SERGEF: variants seen among roughly 807,000 people sequenced by gnomAD.
SERGEF encodes secretion regulating guanine nucleotide exchange factor.
Under a neutral mutation model 50.0 loss-of-function variants are expected in SERGEF, and 51 were observed. The observed-to-expected ratio is 1.02, with a 90% CI of 0.81 to 1.29. The LOEUF (loss-of-function observed/expected upper bound fraction) is 1.29. Among genes scored for constraint, SERGEF ranks in the 50% most tolerant of loss-of-function variants. The pLI, the probability that SERGEF is intolerant of heterozygous loss-of-function variation, is 0.00. For missense variants in SERGEF, 521 were observed against 557.0 expected (o/e 0.94, Z 0.65); for synonymous variants, 205 against 212.4 (o/e 0.97, Z 0.30).
At chr11:17,924,805 G>A (rs962413993) in intron 9 of SERGEF, among the ~76,000 whole-genome samples, 6 of 152,176 alleles carry the variant, frequency 3.9e-5, no homozygotes, top group African/African-American at 1.2e-4. Flanking sequence ...CACATAAAGT[G>A]TAGGTCTATG....
At chr11:17,799,024 G>C (rs560818329) in intron 10 of SERGEF, among the ~76,000 whole-genome samples, 15 of 152,154 alleles carry the variant, frequency 9.9e-5, no homozygotes, top group African/African-American at 2.9e-4. Context: ...CAGCACCTTC[G>C]GATCTGAATC....
chr11:17,904,784 C>G (rs1344671213), intron 9 of SERGEF, among the ~76,000 whole-genome samples: 3 of 152,194 alleles, frequency 2.0e-5, no homozygotes, highest in Non-Finnish European at 4.4e-5. Context: ...GCATTTAAAA[C>G]CACCTTCTCT....
intron 5 of SERGEF, among the ~76,000 whole-genome samples, chr11:17,996,846 AGACTTCAGATAGCT>A (rs1407823746): frequency 6.6e-6 from 1 of 152,196 alleles, no homozygotes; most frequent in African/African-American, 2.4e-5. Context: ...ACTTTATAAG[AGACTTCAGATAGCT>A]GACAGGAGAT....
chr11:17,906,709 C>T (rs1851849044), intron 9 of SERGEF, among the ~76,000 whole-genome samples: 1 of 151,862 alleles, frequency 6.6e-6, no homozygotes, highest in South Asian at 2.1e-4. Context: ...CTGCAGCCGG[C>T]AGTGCAGTTT....
intron 8 of SERGEF, among the ~76,000 whole-genome samples, chr11:17,985,035 T>C (rs1460693627): frequency 1.3e-5 from 2 of 152,228 alleles, no homozygotes; most frequent in African/African-American, 4.8e-5. Flanking sequence ...TTGTTGATAA[T>C]ATGAAAGAGC....
At chr11:17,990,114 T>C (rs1204802539) in intron 7 of SERGEF, among the ~76,000 whole-genome samples, 1 of 152,234 alleles carries the variant, frequency 6.6e-6, no homozygotes, top group African/African-American at 2.4e-5. Context: ...TAAAACTTGA[T>C]AGTATTGCTT....
chr11:17,931,945 C>T (rs1248663481), intron 9 of SERGEF, among the ~76,000 whole-genome samples: 2 of 152,136 alleles, frequency 1.3e-5, no homozygotes, highest in Non-Finnish European at 2.9e-5. Context: ...CAAACTGCTG[C>T]ATGTTTGCAG....
At chr11:17,808,588 C>T (rs970280058) in intron 10 of SERGEF, among the ~76,000 whole-genome samples, 1 of 152,174 alleles carries the variant, frequency 6.6e-6, no homozygotes, top group Non-Finnish European at 1.5e-5. Context: ...CATTTCAACA[C>T]GAGATTTGGA....
intron 10 of SERGEF, among the ~76,000 whole-genome samples, chr11:17,837,259 G>C (rs1173977669): frequency 6.6e-6 from 1 of 152,038 alleles, no homozygotes; most frequent in Non-Finnish European, 1.5e-5. Flanking sequence ...CTAACACAGG[G>C]TCTGGCTGAG....
At chr11:17,852,631 G>A (rs1483735367) in intron 10 of SERGEF, among the ~76,000 whole-genome samples, 2 of 152,148 alleles carry the variant, frequency 1.3e-5, no homozygotes, top group Non-Finnish European at 2.9e-5. Flanking sequence ...AAGGACAAAA[G>A]GAATCAGGGT....
intron 1 of SERGEF, 138 bp from the exon 2 acceptor site, chr11:18,008,214 T>TA (rs1189900881): frequency 9.9e-5 from 84 of 849,512 alleles, no homozygotes; most frequent in South Asian, 2.2e-4. Flanking sequence ...CATTCTTTTT[T>TA]AAAAAAAAAT....
intron 10 of SERGEF, among the ~76,000 whole-genome samples, chr11:17,812,652 C>T (rs1849896922): frequency 6.6e-6 from 1 of 152,188 alleles, no homozygotes; most frequent in South Asian, 2.1e-4. Flanking sequence ...TTGCCTTCAT[C>T]TCTCCAGGAT....
At chr11:17,919,433 G>A (rs1291187003) in intron 9 of SERGEF, among the ~76,000 whole-genome samples, 5 of 152,100 alleles carry the variant, frequency 3.3e-5, no homozygotes, top group Non-Finnish European at 5.9e-5. Context: ...TGAGGAAAAA[G>A]GGACAGAAGA....
intron 10 of SERGEF, among the ~76,000 whole-genome samples, chr11:17,812,084 G>A (rs1241411448): frequency 6.6e-6 from 1 of 152,208 alleles, no homozygotes; most frequent in Non-Finnish European, 1.5e-5. Context: ...AGGGGCAGGA[G>A]GCAGCTGGTG....
intron 9 of SERGEF, among the ~76,000 whole-genome samples, chr11:17,909,991 C>G (rs900367726): frequency 1.3e-5 from 2 of 152,170 alleles, no homozygotes; most frequent in Admixed American, 1.3e-4. Context: ...AGTTCCCTAT[C>G]TCTCATGCAC....
intron 9 of SERGEF, among the ~76,000 whole-genome samples, chr11:17,910,691 T>C (rs572901670): frequency 6.6e-6 from 1 of 152,092 alleles, no homozygotes; most frequent in Non-Finnish European, 1.5e-5. Flanking sequence ...ATGCCCAGCA[T>C]AGGCGAAGAG....
At chr11:17,793,023 A>G (rs1849511364) in intron 10 of SERGEF, among the ~76,000 whole-genome samples, 1 of 152,224 alleles carries the variant, frequency 6.6e-6, no homozygotes, top group African/African-American at 2.4e-5. Context: ...GGACTACGCT[A>G]TGCTGTCCTG....
chr11:17,919,921 G>C (rs1232011742), intron 9 of SERGEF, among the ~76,000 whole-genome samples: 3 of 150,784 alleles, frequency 2.0e-5, no homozygotes, highest in African/African-American at 4.9e-5. Context: ...ACTCCAGCCT[G>C]GGCAACAAGA....
rs147567376 is a variant in SERGEF at position 18,007,326 on chromosome 11, C to T, written c.197-580G>A. ...ACGACCCATGACAGTCGGAATGGAG[C>T]CCTGCTAACTCACTGGTTCTCTTCA... On this transcript the variant is annotated intron_variant, in intron 2 of 10. Transcript: ENST00000265965. Among the ~76,000 whole-genome samples the T allele has an allele frequency of 4.7e-3, 720 of 152,216 alleles. 8 individuals are homozygous for T. Among genetic ancestry groups the T allele is most frequent in the African/African-American group, 0.016 (668 of 41,520 alleles).
Sources: gnomAD v4.1 joint callset for allele counts (sites outside exome capture counted in the v4.1 genomes callset) on GRCh38, gnomAD v4.1.1 for gene constraint, MANE v1.5 for transcripts, NCBI Gene and HGNC (gene_info 2026-07-23, HGNC 2026-07-21) for gene names.